The following GLRA3 variants were observed in gnomAD, a reference collection of about 807,000 sequenced individuals.
GLRA3 encodes glycine receptor alpha 3.
Under a neutral mutation model 60.4 loss-of-function variants are expected in GLRA3, and 44 were observed. That is an observed-to-expected ratio of 0.73 (90% CI 0.57 to 0.94). GLRA3 has a LOEUF of 0.94. Among genes scored for constraint, GLRA3 ranks in the 40% least tolerant of loss-of-function variants. The pLI, the probability that GLRA3 is intolerant of heterozygous loss-of-function variation, is 0.00. For synonymous variants in GLRA3, 223 were observed against 192.9 expected (o/e 1.16, Z -1.29); for missense variants, 508 against 564.6 (o/e 0.90, Z 1.02).
chr4:174,677,425 T>A (rs774668313), intron 6 of GLRA3, 133 bp from the exon 7 acceptor site: 30 of 609,368 alleles, frequency 4.9e-5, no homozygotes, highest in Non-Finnish European at 8.8e-5. Flanking sequence ...AGTGGCATGA[T>A]CTCAGCTCAC....
In GLRA3 at chr4:174,728,806, T is replaced by A. The variant is rs1333165267; in HGVS notation, c.268-108A>T. The A allele has an allele frequency of 7.7e-6, 5 of 649,744 alleles. No individual in the cohort carries two copies. The East Asian group carries it at 1.4e-4, about 18-fold the overall frequency. The allele number at this position is 649,744 out of a possible 1,614,324, so 40.2% of individuals were successfully genotyped here. A position where few individuals can be genotyped will look rare whatever the true frequency, so the allele number is the denominator to read the frequency against. On this transcript the variant is annotated intron_variant, in intron 3 of 9. Transcript: ENST00000274093. The stretch of plus-strand genomic sequence containing the variant: ...GCAGGCTCATCAACTGTAGAAAATA[T>A]ACCCCTCTTGGGGACGGGGTGTATA...
chr4:174,762,656 A>T lies in GLRA3; in HGVS notation c.267+4307T>A, dbSNP rs898740798. Among the ~76,000 whole-genome samples the T allele has an allele frequency of 3.3e-5, 5 of 152,256 alleles. No homozygotes were observed. In the East Asian group the frequency reaches 7.7e-4, roughly 24 times the overall value. ...GTTCTCACCTGTGATCACCAAATAG[A>T]TATGCTCTGCCTGACACACTTGGCG... On this transcript the variant is annotated intron_variant, in intron 3 of 9. Coordinates refer to ENST00000274093, the MANE Select transcript of GLRA3 (RefSeq NM_006529.4).
At chr4:174,796,885 T>C (rs1345664839) in intron 1 of GLRA3, among the ~76,000 whole-genome samples, 1 of 152,186 alleles carries the variant, frequency 6.6e-6, no homozygotes, top group Non-Finnish European at 1.5e-5. Context: ...AGACTTCCTA[T>C]CAGCTAAACT....
At chr4:174,804,030 A>G (rs563484325) in intron 1 of GLRA3, among the ~76,000 whole-genome samples, 4 of 152,162 alleles carry the variant, frequency 2.6e-5, no homozygotes, top group Non-Finnish European at 5.9e-5. Context: ...CTGAATGGAT[A>G]TTTAAAGTAG....
At chr4:174,763,305 T>C (rs1738006392) in intron 3 of GLRA3, among the ~76,000 whole-genome samples, 1 of 152,158 alleles carries the variant, frequency 6.6e-6, no homozygotes, top group South Asian at 2.1e-4. Flanking sequence ...CCTCAAAGAT[T>C]AGTTTACCTT....
chr4:174,809,066 CACTT>C (rs1255816614), intron 1 of GLRA3, among the ~76,000 whole-genome samples: 17 of 152,170 alleles, frequency 1.1e-4, no homozygotes, highest in African/African-American at 3.6e-4. Context: ...CTCACTGACT[CACTT>C]AATACTGCAA....
rs145546784 is a variant in GLRA3 at position 174,764,712 on chromosome 4, A to G, written c.267+2251T>C. 4.6e-3 allele frequency among the ~76,000 whole-genome samples: 697 copies of G among 152,164 alleles called. 4 individuals are homozygous for G. The highest frequency in any genetic ancestry group is 0.016 in the African/African-American group (665 of 41,548). On this transcript the variant is annotated intron_variant, in intron 3 of 9. Coordinates refer to ENST00000274093, the MANE Select transcript of GLRA3 (RefSeq NM_006529.4). ...TTTTGTTGTAGAGTCGTGATAGTGG[A>G]CCCTGTGAATAAAATACAACAACTT...
chr4:174,695,219 C>CG (rs1735002100), intron 5 of GLRA3, among the ~76,000 whole-genome samples: 1 of 151,928 alleles, frequency 6.6e-6, no homozygotes, highest in Admixed American at 6.6e-5. Flanking sequence ...GGAGGAGGGA[C>CG]TCCTCCTCAA....
rs573975212 is a variant in GLRA3, at chr4:174,778,534, C to T, written c.199+10282G>A. 2.5e-3 allele frequency among the ~76,000 whole-genome samples: 381 copies of T among 152,186 alleles called. 1 individual carries two copies. The highest frequency in any genetic ancestry group is 3.6e-3 in the Non-Finnish European group (248 of 68,012). ...CTCCCAGCGTGACCGATGCAGAAGA[C>T]GGGTGATTTCTGCATTTCCACCTGA... On this transcript the variant is annotated intron_variant, in intron 2 of 9. Transcript: ENST00000274093.
chr4:174,692,264 G>A (rs1278748609), intron 5 of GLRA3, among the ~76,000 whole-genome samples: 2 of 143,376 alleles, frequency 1.4e-5, no homozygotes, highest in Admixed American at 6.8e-5. Flanking sequence ...CCGCGAGGGA[G>A]GTGGGGGGGT....
intron 1 of GLRA3, among the ~76,000 whole-genome samples, chr4:174,816,096 A>T (rs1216502307): frequency 3.9e-5 from 6 of 152,182 alleles, no homozygotes; most frequent in African/African-American, 1.2e-4. Flanking sequence ...TTCAGTGAGT[A>T]TGTGGTGGAA....
chr4:174,692,683 G>C (rs1223486752), intron 5 of GLRA3, among the ~76,000 whole-genome samples: 1 of 151,320 alleles, frequency 6.6e-6, no homozygotes, highest in Non-Finnish European at 1.5e-5. Flanking sequence ...GTCCACTCAG[G>C]GTTAAATGGA....
At chr4:174,818,432 G>A (rs1578937399) in intron 1 of GLRA3, among the ~76,000 whole-genome samples, 1 of 152,010 alleles carries the variant, frequency 6.6e-6, no homozygotes, top group South Asian at 2.1e-4. Context: ...TTTTGAAATA[G>A]AGCAAAATTT....
chr4:174,773,746 T>G (rs1376253037), intron 2 of GLRA3, among the ~76,000 whole-genome samples: 1 of 152,156 alleles, frequency 6.6e-6, no homozygotes, highest in Non-Finnish European at 1.5e-5. Context: ...AATTATGGCA[T>G]AGAAGCAGAA....
intron 3 of GLRA3, among the ~76,000 whole-genome samples, chr4:174,736,026 A>G (rs1189524407): frequency 6.6e-6 from 1 of 152,128 alleles, no homozygotes; most frequent in African/African-American, 2.4e-5. Flanking sequence ...ACTACAAATG[A>G]TCTTCAAATC....
intron 7 of GLRA3, among the ~76,000 whole-genome samples, chr4:174,665,488 C>T (rs1047447836): frequency 2.0e-5 from 3 of 152,006 alleles, no homozygotes; most frequent in African/African-American, 7.2e-5. Context: ...ACTTGAATGC[C>T]CCACCATCAG....
At chr4:174,732,297 G>T (rs10018250) in intron 3 of GLRA3, among the ~76,000 whole-genome samples, 71,502 of 151,222 alleles carry the variant, frequency 0.47, 17,189 homozygotes, top group Admixed American at 0.54. Context: ...GGAGCTTGCA[G>T]TGAGCCGAGA....
At chr4:174,733,032 A>G (rs1736615708) in intron 3 of GLRA3, among the ~76,000 whole-genome samples, 1 of 152,176 alleles carries the variant, frequency 6.6e-6, no homozygotes, top group Non-Finnish European at 1.5e-5. Flanking sequence ...TCACATATAT[A>G]TTATGTATGT....
intron 4 of GLRA3, among the ~76,000 whole-genome samples, chr4:174,724,185 G>T (rs575268825): frequency 6.6e-6 from 1 of 151,806 alleles, no homozygotes; most frequent in East Asian, 1.9e-4. Context: ...ATAATATGGG[G>T]TTATTACTGT....
Sources: gnomAD v4.1 joint callset for allele counts (sites outside exome capture counted in the v4.1 genomes callset) on GRCh38, gnomAD v4.1.1 for gene constraint, MANE v1.5 for transcripts, NCBI Gene and HGNC (gene_info 2026-07-23, HGNC 2026-07-21) for gene names.